Variants in ADGRB1 observed in about 807,000 individuals in gnomAD.
The protein encoded by ADGRB1 is brain-specific angiogenesis inhibitor 1.
In ADGRB1, 36 loss-of-function variants were observed where a neutral mutation model predicts 175.7. That is an observed-to-expected ratio of 0.20 (90% confidence interval 0.16 to 0.27). The LOEUF is 0.27. Among genes scored for constraint, ADGRB1 ranks in the 10% least tolerant of loss-of-function variants. The pLI, the probability that ADGRB1 is intolerant of heterozygous loss-of-function variation, is 1.00. For missense variants in ADGRB1, 1,731 were observed against 2,255.3 expected, an observed-to-expected ratio of 0.77 and a Z score of 4.71; for synonymous variants, 1,054 against 979.4, an observed-to-expected ratio of 1.08 and a Z score of -1.42.
chr8:142,493,728 CCTT>C lies in ADGRB1; in HGVS notation c.2675+2916_2675+2918del, dbSNP rs1842087365. On this transcript the variant is annotated intron_variant, in intron 17 of 30. Coordinates refer to ENST00000517894, the MANE Select transcript of ADGRB1 (RefSeq NM_001702.3). The surrounding 1 kb of genome is among the most constrained non-coding windows in gnomAD (Gnocchi z 5.0). ...TGAAAGCACAGCGCAGTGATCGAGG[CCTT>C]CTGCTCTGGAACTGGGCAGCCTGGA... 3.3e-5 allele frequency among the ~76,000 whole-genome samples: 5 copies of C among 152,278 alleles called. No individual in the cohort carries two copies. The highest frequency in any genetic ancestry group is 5.9e-5 in the Non-Finnish European group (4 of 68,048).
rs1842779411 is a variant in ADGRB1 at position 142,504,898 on chromosome 8, C to T, written c.2676-6034C>T. ...TGCGGTGTGCTGTGCCCACTCCTGG[C>T]TTCTTTCTGTTATGTGGGAGGACAC... On this transcript the variant is annotated intron_variant, in intron 17 of 30. Transcript: ENST00000517894. The surrounding 1 kb of genome is among the most constrained non-coding windows in gnomAD (Gnocchi z 5.6). 6.6e-6 allele frequency among the ~76,000 whole-genome samples: 1 copy of T among 152,138 alleles called. No individual in the cohort carries two copies. The highest frequency in any genetic ancestry group is 2.4e-5 in the African/African-American group (1 of 41,420).
intron 24 of ADGRB1, among the ~76,000 whole-genome samples, chr8:142,527,590 C>A (rs892938962): frequency 1.3e-5 from 2 of 152,076 alleles, no homozygotes; most frequent in Non-Finnish European, 2.9e-5. Context: ...TGCTTTGTCT[C>A]CTGGCCTGGG....
At chr8:142,463,816 G>C (rs892930952) in intron 1 of ADGRB1, among the ~76,000 whole-genome samples, 164 bp from the exon 2 acceptor site, 1 of 152,240 alleles carries the variant, frequency 6.6e-6, no homozygotes, top group African/African-American at 2.4e-5. Context: ...CAGGTGGACG[G>C]AGCAGGTGCC....
intron 1 of ADGRB1, among the ~76,000 whole-genome samples, chr8:142,462,099 T>A (rs1839999903): frequency 1.3e-5 from 2 of 152,016 alleles, no homozygotes; most frequent in African/African-American, 4.8e-5. Flanking sequence ...GGAGGAGGGC[T>A]TCCAGGAGGC....
intron 17 of ADGRB1, among the ~76,000 whole-genome samples, chr8:142,506,362 G>A (rs1476190550): frequency 2.0e-5 from 3 of 152,200 alleles, no homozygotes; most frequent in Non-Finnish European, 4.4e-5. Flanking sequence ...GGGCAGGAAG[G>A]GGACCTGCTG....
chr8:142,510,613 G>A lies in ADGRB1; in HGVS notation c.2676-319G>A, dbSNP rs1277692481. Among the ~76,000 whole-genome samples, 2 of 146,188 alleles carry A rather than the reference G, an allele frequency of 1.4e-5. No homozygotes were observed. Among genetic ancestry groups the A allele is most frequent in the Non-Finnish European group, 3.0e-5 (2 of 65,734 alleles). On this transcript the variant is annotated intron_variant, in intron 17 of 30. Coordinates refer to ENST00000517894, the MANE Select transcript of ADGRB1 (RefSeq NM_001702.3). This position sits in a 1 kb window ranked among gnomAD's most constrained non-coding sequence, Gnocchi z 6.3. ...GCTGGGGGCGGCGGGGGCGCGGGGC[G>A]GGCGACTGCCGGGCCCCGGGCCAGC... is the stretch of plus-strand genomic sequence containing the variant.
rs1227938403 is a variant in ADGRB1, at chr8:142,518,122, T to C, written c.2818-16T>C. ...GGGGTGCCTCACTCCCTGCGGTCTC[T>C]TCCCGGTCCCCACAGAACATGGAGA... On this transcript the variant is annotated splice_polypyrimidine_tract_variant and intron_variant, in intron 18 of 30. Coordinates refer to ENST00000517894, the MANE Select transcript of ADGRB1 (RefSeq NM_001702.3). 1 of 1,612,786 alleles carries C rather than the reference T, an allele frequency of 6.2e-7. No homozygotes were observed. Among genetic ancestry groups the C allele is most frequent in the African/African-American group, 1.3e-5 (1 of 74,992 alleles).
rs895064727 is a variant in ADGRB1 at position 142,493,281 on chromosome 8, C to T, written c.2675+2466C>T. Among the ~76,000 whole-genome samples, 4 of 152,098 alleles carry T rather than the reference C, an allele frequency of 2.6e-5. No individual in the cohort carries two copies. The highest frequency in any genetic ancestry group is 9.7e-5 in the African/African-American group (4 of 41,418). On this transcript the variant is annotated intron_variant, in intron 17 of 30. Coordinates refer to ENST00000517894, the MANE Select transcript of ADGRB1 (RefSeq NM_001702.3). The surrounding 1 kb of genome is among the most constrained non-coding windows in gnomAD (Gnocchi z 5.0). ...GGCCGAAGAGGACATGCTGCGTGGC[C>T]TTGGGCAGAGCCTGTGCCCTGGGAG...
intron 1 of ADGRB1, among the ~76,000 whole-genome samples, chr8:142,450,478 G>A (rs1030773489): frequency 2.6e-5 from 4 of 152,156 alleles, no homozygotes; most frequent in African/African-American, 9.6e-5. Context: ...CGTTCCCGCT[G>A]TACCCCCAGC....
intron 18 of ADGRB1, among the ~76,000 whole-genome samples, chr8:142,516,693 C>A (rs1211623596): frequency 7.4e-6 from 1 of 135,570 alleles, no homozygotes; most frequent in Non-Finnish European, 1.5e-5. Context: ...TGTGCGGGCC[C>A]CAGGTGCGTG....
At position 142,543,612 on chromosome 8, in the gene ADGRB1, C is replaced by G; in HGVS notation, c.4461C>G (p.His1487Gln). 1 of 1,570,520 alleles carries G rather than the reference C, an allele frequency of 6.4e-7. No individual in the cohort carries two copies. The highest frequency in any genetic ancestry group is 1.9e-5 in the Admixed American group (1 of 53,386). The change falls in exon 30 of 31, where the codon CAC (histidine) becomes CAG (glutamine). Residue 1487 changes from histidine to glutamine, a missense_variant. His to Gln is a conservative substitution (Grantham distance 24). Transcript: ENST00000517894. The surrounding 1 kb of genome is among the most constrained non-coding windows in gnomAD (Gnocchi z 4.4). ...YAELDFEKIM[H>Q]TRKRHQDMFQ... ...GACCCCGCCTGCAGAAGATCATGCA[C>G]ACCCGGAAGCGGCACCAAGACATGT...
chr8:142,491,663 C>T (rs1841987879), intron 17 of ADGRB1, among the ~76,000 whole-genome samples: 3 of 152,218 alleles, frequency 2.0e-5, no homozygotes, highest in African/African-American at 7.2e-5. Context: ...CCGCCCGCCT[C>T]CTCCGAGCGT....
At chr8:142,525,884 G>C (rs1489848901) in intron 23 of ADGRB1, among the ~76,000 whole-genome samples, 1 of 152,150 alleles carries the variant, frequency 6.6e-6, no homozygotes, top group African/African-American at 2.4e-5. Context: ...AGAGAGTATG[G>C]CCTGAGACTC....
At chr8:142,468,306 G>A (rs1840399649) in intron 2 of ADGRB1, among the ~76,000 whole-genome samples, 1 of 152,192 alleles carries the variant, frequency 6.6e-6, no homozygotes, top group African/African-American at 2.4e-5. Context: ...GCTGGGCTCT[G>A]TGCAGCGATT....
rs764226240 is a variant in ADGRB1, at chr8:142,542,573, G to A, written c.4339G>A (p.Ala1447Thr). ...PSLGDPGEPA[A>T]HPGPSTGPST... ...CCTGGGGGATCCCGGGGAGCCTGCC[G>A]CCCATCCGGGACCCAGCACGGGGCC... Residue 1447 changes from alanine (A) to threonine (T), a missense_variant, in exon 28 of 31, where the codon GCC becomes ACC. Physicochemically the swap from Ala to Thr is moderately conservative, Grantham distance 58. Coordinates refer to ENST00000517894, the MANE Select transcript of ADGRB1 (RefSeq NM_001702.3). The surrounding 1 kb of genome is among the most constrained non-coding windows in gnomAD (Gnocchi z 6.3). 81 of 1,513,324 alleles carry A rather than the reference G, an allele frequency of 5.4e-5. 1 individual carries two copies. The highest frequency in any genetic ancestry group is 5.1e-4 in the Middle Eastern group (3 of 5,868). 93.7% of individuals were successfully genotyped at this position (1,513,324 alleles called of 1,614,324 possible).
rs916658459 is a variant in ADGRB1, at chr8:142,504,701, G to A, written c.2676-6231G>A. On this transcript the variant is annotated intron_variant, in intron 17 of 30. Coordinates refer to ENST00000517894, the MANE Select transcript of ADGRB1 (RefSeq NM_001702.3). This position sits in a 1 kb window ranked among gnomAD's most constrained non-coding sequence, Gnocchi z 5.6. ...GAGGTGGGAGCCAGGCACTCCTGAT[G>A]GATGAAGCATGACTAAGGGGCTTGT... Among the ~76,000 whole-genome samples, 24 of 152,120 alleles carry A rather than the reference G, an allele frequency of 1.6e-4. No individual in the cohort carries two copies. Among genetic ancestry groups the A allele is most frequent in the Admixed American group, 4.6e-4 (7 of 15,286 alleles).
Position 142,464,486 on chromosome 8 carries a change from C to A in ADGRB1, c.288C>A (p.Pro96=), listed in dbSNP as rs768732119. The part of the protein sequence containing the change: ...VAKAPVPCSG[P]GRVRTYQFDS... ...AGGCGCCCGTGCCCTGCAGCGGCCC[C>A]GGCCGCGTGCGCACCTACCAGTTCG... The change falls in exon 2 of 31, where the codon CCC becomes CCA. Residue 96 remains proline, a synonymous_variant. Transcript: ENST00000517894. The A allele has an allele frequency of 5.1e-6, 8 of 1,580,814 alleles. No homozygotes were observed. The Admixed American group carries it at 1.4e-4, about 28-fold the overall frequency.
chr8:142,530,154 C>T (rs747800425), intron 24 of ADGRB1, among the ~76,000 whole-genome samples: 3 of 151,708 alleles, frequency 2.0e-5, no homozygotes, highest in Admixed American at 6.6e-5. Context: ...TGGGCATGTG[C>T]CTGTGTGTGC....
In ADGRB1 at chr8:142,500,152, T is replaced by G. The variant is rs567007331; in HGVS notation, c.2675+9337T>G. Among the ~76,000 whole-genome samples, 8 of 152,038 alleles carry G rather than the reference T, an allele frequency of 5.3e-5. No homozygotes were observed. In the South Asian group the frequency reaches 1.7e-3, roughly 32 times the overall value. ...CCCATGGCTGCCGTCCGGCGCTGCC[T>G]GGGATCGGGGCAGGCAGGCTGGACA... On this transcript the variant is annotated intron_variant, in intron 17 of 30. Coordinates refer to ENST00000517894, the MANE Select transcript of ADGRB1 (RefSeq NM_001702.3).
Sources: gnomAD v4.1 joint callset for allele counts (sites outside exome capture counted in the v4.1 genomes callset) on GRCh38, gnomAD v4.1.1 for gene constraint, Gnocchi (gnomAD v3.1) non-coding constraint, MANE v1.5 for transcripts, NCBI Gene and HGNC (gene_info 2026-07-23, HGNC 2026-07-21) for gene names.